Variants in NVL observed in about 807,000 individuals in gnomAD.
NVL encodes the protein nuclear valosin-containing protein-like.
A neutral mutation model predicts 110.2 loss-of-function variants in NVL; 84 were observed. The observed-to-expected ratio is 0.76, with a 90% confidence interval of 0.64 to 0.91. The LOEUF (loss-of-function observed/expected upper bound fraction) is 0.91, where lower values mean the gene tolerates loss of function less well. Ranked by LOEUF, NVL falls within the 40% of genes least tolerant of loss-of-function variation. NVL has a pLI of 0.00. For synonymous variants in NVL, 354 were observed against 361.1 expected (o/e 0.98, Z 0.22); for missense variants, 882 against 1,035.9 (o/e 0.85, Z 2.04).
Position 224,239,115 on chromosome 1 carries a change from T to C in NVL, c.2290-2533A>G, listed in dbSNP as rs1660865676. 2.0e-5 allele frequency among the ~76,000 whole-genome samples: 3 copies of C among 152,130 alleles called. No homozygotes were observed. The South Asian group carries it at 6.2e-4, about 31-fold the overall frequency. ...TCATGGAGCTGGACATTTACCACTTTTTAATTTCTTTCTTGAATCTCTAAA... is the reference window on the plus strand; with the variant it reads ...TCATGGAGCTGGACATTTACCACTTCTTAATTTCTTTCTTGAATCTCTAAA... On this transcript the variant is annotated intron_variant, in intron 19 of 22. Transcript: ENST00000281701.
chr1:224,257,490 G>T (rs1663414624), intron 18 of NVL, among the ~76,000 whole-genome samples: 1 of 148,098 alleles, frequency 6.8e-6, no homozygotes, highest in African/African-American at 2.5e-5. Flanking sequence ...CAACAAAGGT[G>T]CTAGGACAAG....
intron 2 of NVL, among the ~76,000 whole-genome samples, chr1:224,323,109 A>AG (rs1023774245): frequency 1.3e-5 from 2 of 152,232 alleles, no homozygotes; most frequent in Non-Finnish European, 2.9e-5. Flanking sequence ...TCAGACAGAA[A>AG]TGAGAAGCAG....
chr1:224,241,904 C>G (rs1266494434), intron 19 of NVL, among the ~76,000 whole-genome samples: 1 of 150,710 alleles, frequency 6.6e-6, no homozygotes, highest in Non-Finnish European at 1.5e-5. Flanking sequence ...TGGTGGCAGG[C>G]ACCTGTAATC....
At chr1:224,281,881 A>T (rs972614419) in intron 15 of NVL, among the ~76,000 whole-genome samples, 5 of 148,856 alleles carry the variant, frequency 3.4e-5, no homozygotes, top group African/African-American at 1.2e-4. Flanking sequence ...CGCACCCGGG[A>T]GGCAGAGGTT....
At chr1:224,250,464 AG>A in intron 18 of NVL, 146 bp from the exon 19 acceptor site, 1 of 602,834 alleles carries the variant, frequency 1.7e-6, no homozygotes, top group Non-Finnish European at 2.6e-6. Context: ...TCCCAGGCTC[AG>A]ATGATTCTCC....
chr1:224,251,770 C>T (rs564084780), intron 18 of NVL, among the ~76,000 whole-genome samples: 1 of 152,160 alleles, frequency 6.6e-6, no homozygotes, highest in Non-Finnish European at 1.5e-5. Flanking sequence ...CTCCACCCCA[C>T]CCTACCTCCC....
rs1245430908 is a variant in NVL at position 224,326,516 on chromosome 1, G to A, written c.58-52C>T. On this transcript the variant is annotated intron_variant, in intron 1 of 22. Transcript: ENST00000281701. ...AAACACCCAATATTTCAAACTCAGT[G>A]ATTTTAATCAACAGATTGAGCTATC... is the stretch of plus-strand genomic sequence containing the variant. The A allele has an allele frequency of 2.5e-6, 3 of 1,213,876 alleles. No individual in the cohort carries two copies. The African/African-American group carries it at 4.5e-5, about 18-fold the overall frequency. 75.2% of individuals were successfully genotyped at this position (1,213,876 alleles called of 1,614,324 possible). A position where few individuals can be genotyped will look rare whatever the true frequency, so the allele number is the denominator to read the frequency against.
At chr1:224,259,599 T>A (rs1663723693) in intron 18 of NVL, among the ~76,000 whole-genome samples, 1 of 152,178 alleles carries the variant, frequency 6.6e-6, no homozygotes, top group African/African-American at 2.4e-5. Flanking sequence ...ACAACCTTCA[T>A]GAAATAGGTT....
intron 19 of NVL, among the ~76,000 whole-genome samples, chr1:224,245,814 G>A (rs893926589): frequency 2.0e-5 from 3 of 151,878 alleles, no homozygotes; most frequent in Admixed American, 2.0e-4. Context: ...TTAGCCGGGC[G>A]TGGTAGCACG....
chr1:224,250,160 C>T lies in NVL; in HGVS notation c.2289+52G>A, dbSNP rs1662302310. 1.9e-6 allele frequency: 3 copies of T among 1,577,296 alleles called. No homozygotes were observed. In the South Asian group the frequency reaches 3.5e-5, roughly 18 times the overall value. On this transcript the variant is annotated intron_variant, in intron 19 of 22. Coordinates refer to ENST00000281701, the MANE Select transcript of NVL (RefSeq NM_002533.4). ...AAATTACTACCTCTTATAACTGTCT[C>T]TATTTAAAACAAGAGAAACATATAC... is the stretch of plus-strand genomic sequence containing the variant.
chr1:224,294,955 T>C (rs1046164534), intron 11 of NVL, among the ~76,000 whole-genome samples: 8 of 152,306 alleles, frequency 5.3e-5, no homozygotes, highest in Non-Finnish European at 1.2e-4. Flanking sequence ...TGTCTCAGAA[T>C]AGACTGATAA....
intron 1 of NVL, among the ~76,000 whole-genome samples, chr1:224,327,088 CT>C (rs750926070): frequency 3.9e-4 from 59 of 152,164 alleles, no homozygotes; most frequent in Non-Finnish European, 7.6e-4. Flanking sequence ...TTGCAGTGAG[CT>C]ATGATCGAGC....
chr1:224,238,608 C>T (rs1359430899), intron 19 of NVL, among the ~76,000 whole-genome samples: 1 of 152,166 alleles, frequency 6.6e-6, no homozygotes, highest in Non-Finnish European at 1.5e-5. Context: ...CCATTTTGAC[C>T]TGGGACACAA....
chr1:224,300,001 G>A (rs972113927), intron 10 of NVL, among the ~76,000 whole-genome samples: 2 of 152,174 alleles, frequency 1.3e-5, no homozygotes, highest in Admixed American at 1.3e-4. Context: ...TTGTTCAAGT[G>A]TGAATAATCT....
chr1:224,321,534 T>C (rs1194700857), intron 2 of NVL, among the ~76,000 whole-genome samples: 1 of 152,146 alleles, frequency 6.6e-6, no homozygotes, highest in Non-Finnish European at 1.5e-5. Flanking sequence ...CTGGCCAACA[T>C]GGCGAAACCA....
In NVL at chr1:224,233,215, C is replaced by T. The variant is rs1339930028; in HGVS notation, c.2441G>A (p.Ser814Asn). 2.5e-6 allele frequency: 4 copies of T among 1,611,954 alleles called. No homozygotes were observed. The highest frequency in any genetic ancestry group is 1.1e-5 in the South Asian group (1 of 90,692). ...GAGAATTGTACCTTTTTCATTTCCA[C>T]TCTTCTGTCTTGCCATTTCCTGTCT... is the stretch of plus-strand genomic sequence containing the variant. Reference protein sequence around the residue: ...ALRQEMARQKSGNEKGELKVS... With the variant: ...ALRQEMARQKNGNEKGELKVS... The change falls in exon 21 of 23, where the codon AGT becomes AAT. Residue 814 changes from serine to asparagine, a missense_variant. By Grantham distance (46) the Ser-to-Asn change is conservative. Coordinates refer to ENST00000281701, the MANE Select transcript of NVL (RefSeq NM_002533.4).
chr1:224,252,562 C>G lies in NVL; in HGVS notation c.2183-2244G>C, dbSNP rs948202276. The stretch of plus-strand genomic sequence containing the variant: ...TTCCCTTTTTAGCTAAAATTCCAAA[C>G]CTGTTAGATGTTGTTCTTTAACCAC... On this transcript the variant is annotated intron_variant, in intron 18 of 22. Coordinates refer to ENST00000281701, the MANE Select transcript of NVL (RefSeq NM_002533.4). Among the ~76,000 whole-genome samples, 64 of 152,096 alleles carry G rather than the reference C, an allele frequency of 4.2e-4. 2 individuals carry two copies. The highest frequency in any genetic ancestry group is 8.8e-5 in the Non-Finnish European group (6 of 68,020).
intron 21 of NVL, 143 bp downstream of exon 21, chr1:224,233,058 T>C: frequency 1.6e-6 from 1 of 612,374 alleles, no homozygotes; most frequent in Non-Finnish European, 2.7e-6. Context: ...ACCTAATATT[T>C]CAGAACAGCT....
At chr1:224,329,955 G>T in intron 1 of NVL, 116 bp downstream of exon 1, 1 of 1,025,620 alleles carries the variant, frequency 9.8e-7, no homozygotes. Context: ...CCCAGACCCA[G>T]ACTGGGGAAA....
Sources: allele counts gnomAD v4.1 joint callset (sites outside exome capture counted in the v4.1 genomes callset), GRCh38; gene constraint gnomAD v4.1.1; transcripts MANE v1.5; gene names NCBI Gene and HGNC (gene_info 2026-07-23, HGNC 2026-07-21).